Variants in NEK4 observed in about 807,000 individuals in gnomAD.
NEK4 encodes serine/threonine-protein kinase Nek4.
NEK4 carries 86 observed loss-of-function variants against 98.4 expected under a neutral mutation model. The ratio of observed to expected loss-of-function variants is 0.87; its 90% CI spans 0.73 to 1.05. The LOEUF is 1.05. Among genes scored for constraint, NEK4 ranks in the 50% least tolerant of loss-of-function variants. The pLI, the probability that NEK4 is intolerant of heterozygous loss-of-function variation, is 0.00. For synonymous variants in NEK4, 328 were observed against 342.2 expected (o/e 0.96, Z 0.46); for missense variants, 898 against 950.3 (o/e 0.94, Z 0.72).
In NEK4 at chr3:52,768,320, TA is replaced by T; in HGVS notation, c.360+17del. On this transcript the variant is annotated intron_variant, in intron 2 of 15. Coordinates refer to ENST00000233027, the MANE Select transcript of NEK4 (RefSeq NM_003157.6). Reference sequence around the variant, plus strand: ...GCCATCTGGGAACAAGCTAGGATGCTATTAGTCTACACAGTACCTGCAAAGC... The same window carrying T: ...GCCATCTGGGAACAAGCTAGGATGCTTTAGTCTACACAGTACCTGCAAAGC... 6.2e-7 allele frequency: 1 copy of T among 1,603,688 alleles called. No homozygotes were observed. The highest frequency in any genetic ancestry group is 8.5e-7 in the Non-Finnish European group (1 of 1,171,904).
chr3:52,710,882 TG>T lies in NEK4; in HGVS notation c.*894del, dbSNP rs2097349733. On this transcript the variant is annotated 3_prime_UTR_variant, in exon 16 of 16. Coordinates refer to ENST00000233027, the MANE Select transcript of NEK4 (RefSeq NM_003157.6). ...AACTTCATAAAATTTCTTTCCTAGATGGGTATTACCTCTTATTAAACAACTA... is the reference window on the plus strand; with the variant it reads ...AACTTCATAAAATTTCTTTCCTAGATGGTATTACCTCTTATTAAACAACTA... The T allele has an allele frequency of 6.6e-6, 1 of 152,410 alleles. No homozygotes were observed. Among genetic ancestry groups the T allele is most frequent in the Admixed American group, 6.5e-5 (1 of 15,278 alleles). The allele number at this position is 152,410 out of a possible 1,614,324, so 9.4% of individuals were successfully genotyped here.
Position 52,709,337 on chromosome 3 carries a change from T to C in NEK4, c.*2440A>G, listed in dbSNP as rs920679113. 3.9e-5 allele frequency: 6 copies of C among 152,028 alleles called. No homozygotes were observed. Among genetic ancestry groups the C allele is most frequent in the African/African-American group, 1.4e-4 (6 of 41,382 alleles). 9.4% of individuals were successfully genotyped at this position (152,028 alleles called of 1,614,324 possible). A position where few individuals can be genotyped will look rare whatever the true frequency, so the allele number is the denominator to read the frequency against. On this transcript the variant is annotated 3_prime_UTR_variant, in exon 16 of 16. Transcript: ENST00000233027. ...TAATTTAGGAAGATGAATTAAGCAC[T>C]CAAGTAAAAACGATAAAAGTGGGAA...
intron 6 of NEK4, chr3:52,753,617 T>C (rs2097409424): frequency 6.9e-6 from 4 of 581,232 alleles, no homozygotes; most frequent in Admixed American, 1.9e-5. Flanking sequence ...CAGTCTTTGA[T>C]GAACTATGCC....
chr3:52,758,030 T>C (rs1348797319), intron 6 of NEK4, among the ~76,000 whole-genome samples: 1 of 151,212 alleles, frequency 6.6e-6, no homozygotes. Flanking sequence ...ACAAAAAAAA[T>C]TAGCCAGATG....
rs2097383627 is a variant in NEK4 at position 52,740,318 on chromosome 3, A to C, written c.2094-684T>G. On this transcript the variant is annotated intron_variant, in intron 13 of 15. Transcript: ENST00000233027. ...ATATCTTCCATATGGCCAAGGTAGA[A>C]GAAAACATGAACATGTTAAAGAGAG... 2.0e-5 allele frequency among the ~76,000 whole-genome samples: 3 copies of C among 152,218 alleles called. No homozygotes were observed. The South Asian group carries it at 6.2e-4, about 32-fold the overall frequency.
intron 11 of NEK4, among the ~76,000 whole-genome samples, 161 bp downstream of exon 11, chr3:52,744,078 A>G (rs1330716706): frequency 6.6e-6 from 1 of 152,226 alleles, no homozygotes; most frequent in African/African-American, 2.4e-5. Flanking sequence ...ATGATTTCTT[A>G]AAAGACTTGA....
rs2097405609 is a variant in NEK4 at position 52,751,812 on chromosome 3, T to C, written c.1368+120A>G. 4.1e-6 allele frequency: 4 copies of C among 976,532 alleles called. No homozygotes were observed. The South Asian group carries it at 4.9e-5, about 12-fold the overall frequency. The allele number at this position is 976,532 out of a possible 1,614,324, so 60.5% of individuals were successfully genotyped here. ...TTGGTTTGATGCAAATATTCTTCTATGTTTAAACTGATACATAGAATTACT... is the reference window on the plus strand; with the variant it reads ...TTGGTTTGATGCAAATATTCTTCTACGTTTAAACTGATACATAGAATTACT... On this transcript the variant is annotated intron_variant, in intron 7 of 15. Transcript: ENST00000233027.
intron 6 of NEK4, 143 bp downstream of exon 6, chr3:52,760,652 G>A: frequency 4.3e-6 from 3 of 693,754 alleles, no homozygotes; most frequent in East Asian, 5.1e-5. Flanking sequence ...ACCTTAACCA[G>A]TATTCTTTCT....
chr3:52,766,089 C>A lies in NEK4; in HGVS notation c.558+89G>T. 6 of 1,454,044 alleles carry A rather than the reference C, an allele frequency of 4.1e-6. No homozygotes were observed. The South Asian group carries it at 7.2e-5, about 17-fold the overall frequency. The allele number at this position is 1,454,044 out of a possible 1,614,324, so 90.1% of individuals were successfully genotyped here. ...AGAAAACATTTTCCTTAAACCAATT[C>A]ATAGATAATTCTCTGACTTAATTAA... On this transcript the variant is annotated intron_variant, in intron 3 of 15. Transcript: ENST00000233027.
chr3:52,733,187 TA>T, intron 15 of NEK4: 2 of 216,694 alleles, frequency 9.2e-6, no homozygotes, highest in Non-Finnish European at 9.9e-6. Context: ...ATACTGCAGA[TA>T]AACTTTACAA....
intron 6 of NEK4, among the ~76,000 whole-genome samples, chr3:52,753,330 G>A (rs2097408905): frequency 6.6e-6 from 1 of 152,130 alleles, no homozygotes; most frequent in African/African-American, 2.4e-5. Context: ...AGCCAGGACA[G>A]GGCAGGGAGC....
intron 6 of NEK4, among the ~76,000 whole-genome samples, chr3:52,752,899 T>G (rs2097407746): frequency 2.3e-5 from 1 of 43,556 alleles, no homozygotes; most frequent in Non-Finnish European, 4.6e-5. Flanking sequence ...AAACCCTGCC[T>G]CAAAAAAAAA....
At position 52,711,835 on chromosome 3, in the gene NEK4, G is replaced by GTATACT; in HGVS notation, c.2462_2467dup (p.Lys821_Tyr822dup). ...CTGGCGAGCTTTCACACTGTAAGTT[G>GTATACT]TATACTTTTCACCCATGTGCTCCCG... is the stretch of plus-strand genomic sequence containing the variant. On this transcript the variant is annotated inframe_insertion, in exon 16 of 16. Coordinates refer to ENST00000233027, the MANE Select transcript of NEK4 (RefSeq NM_003157.6). The GTATACT allele has an allele frequency of 3.1e-6, 5 of 1,610,258 alleles. No individual in the cohort carries two copies. Among genetic ancestry groups the GTATACT allele is most frequent in the Non-Finnish European group, 4.2e-6 (5 of 1,177,776 alleles).
intron 15 of NEK4, among the ~76,000 whole-genome samples, chr3:52,726,920 G>A (rs1339133074): frequency 6.6e-6 from 1 of 151,588 alleles, no homozygotes; most frequent in African/African-American, 2.4e-5. Flanking sequence ...ATAAATAAGA[G>A]GACTTGAACA....
chr3:52,755,207 C>T (rs77037387), intron 6 of NEK4, among the ~76,000 whole-genome samples: 6,000 of 149,870 alleles, frequency 0.04, 401 homozygotes, highest in African/African-American at 0.14. Context: ...ACAGGCAAAT[C>T]GGCAAATCCA....
chr3:52,726,055 T>C (rs946164941), intron 15 of NEK4, among the ~76,000 whole-genome samples: 2 of 151,948 alleles, frequency 1.3e-5, no homozygotes, highest in African/African-American at 4.8e-5. Flanking sequence ...CCAAAGGAGA[T>C]TAGGGATGGC....
intron 6 of NEK4, chr3:52,753,921 G>A: frequency 3.1e-6 from 1 of 320,358 alleles, no homozygotes; most frequent in Non-Finnish European, 6.1e-6. Flanking sequence ...TATAATCCCA[G>A]CACTTTGAGA....
At chr3:52,728,961 C>T (rs573813087) in intron 15 of NEK4, among the ~76,000 whole-genome samples, 6 of 152,030 alleles carry the variant, frequency 3.9e-5, no homozygotes, top group Admixed American at 3.3e-4. Context: ...GTGGTCAGAC[C>T]GGTTCTCTGC....
At chr3:52,761,704 T>C (rs376713200) in intron 5 of NEK4, among the ~76,000 whole-genome samples, 3 of 152,348 alleles carry the variant, frequency 2.0e-5, no homozygotes, top group African/African-American at 7.2e-5. Flanking sequence ...CCACTCTATC[T>C]TTCCAACTTT....
Sources: allele counts gnomAD v4.1 joint callset (sites outside exome capture counted in the v4.1 genomes callset), GRCh38; gene constraint gnomAD v4.1.1; transcripts MANE v1.5; gene names NCBI Gene and HGNC (gene_info 2026-07-23, HGNC 2026-07-21).